The following TAOK1 variants were observed in gnomAD, a reference collection of about 807,000 sequenced individuals.
TAOK1 encodes serine/threonine-protein kinase TAO1.
TAOK1 carries 21 observed loss-of-function variants against 138.3 expected under a neutral mutation model. That is an observed-to-expected ratio of 0.15 (90% CI 0.11 to 0.22). TAOK1 has a LOEUF of 0.22. Among genes scored for constraint, TAOK1 ranks in the 10% least tolerant of loss-of-function variants. The pLI, the probability that TAOK1 is intolerant of heterozygous loss-of-function variation, is 1.00. For missense variants in TAOK1, 651 were observed against 1,227.7 expected, an observed-to-expected ratio of 0.53 and a Z score of 7.02; for synonymous variants, 361 against 398.4, an observed-to-expected ratio of 0.91 and a Z score of 1.12.
At chr17:29,473,594 CA>C (rs1421657758) in intron 3 of TAOK1, among the ~76,000 whole-genome samples, 1,192 of 94,106 alleles carry the variant, frequency 0.013, 14 homozygotes, top group African/African-American at 0.028. Context: ...GTGAAACTCT[CA>C]AAAAAAAAAA....
In TAOK1 at chr17:29,451,605, C is replaced by T. The variant is rs56343780; in HGVS notation, c.57C>T (p.Phe19=). ...SLKDPEIAEL[F]FKEDPEKLFT... ...AGGACCCTGAAATTGCAGAGCTCTTCTTCAAAGAAGATCCAGAGAAGCTCT... is the reference window on the plus strand; with the variant it reads ...AGGACCCTGAAATTGCAGAGCTCTTTTTCAAAGAAGATCCAGAGAAGCTCT... The change falls in exon 2 of 20, where the codon TTC becomes TTT. Residue 19 remains phenylalanine (F), a synonymous_variant. Transcript: ENST00000261716. 261 of 1,613,986 alleles carry T rather than the reference C, an allele frequency of 1.6e-4. No individual in the cohort carries two copies. Among genetic ancestry groups the T allele is most frequent in the Admixed American group, 7.0e-4 (42 of 60,004 alleles).
intron 1 of TAOK1, among the ~76,000 whole-genome samples, chr17:29,446,093 A>G (rs936750126): frequency 6.6e-6 from 1 of 152,108 alleles, no homozygotes; most frequent in Non-Finnish European, 1.5e-5. Context: ...TAATGTGTGT[A>G]GGGTCTGTAG....
At chr17:29,397,649 T>TGATACATGTATACATGTATACAG (rs1904670382) in intron 1 of TAOK1, among the ~76,000 whole-genome samples, 1 of 141,324 alleles carries the variant, frequency 7.1e-6, no homozygotes, top group Non-Finnish European at 1.5e-5. Flanking sequence ...CATGTATATA[T>TGATACATGTATACATGTATACAG]GTATATTCAT....
intron 1 of TAOK1, among the ~76,000 whole-genome samples, chr17:29,411,168 T>C (rs1905134547): frequency 7.4e-6 from 1 of 135,614 alleles, no homozygotes; most frequent in South Asian, 2.6e-4. Flanking sequence ...CTCGGCTCAC[T>C]GCAAGCTCCG....
intron 1 of TAOK1, among the ~76,000 whole-genome samples, chr17:29,443,296 ATG>A (rs775470924): frequency 9.2e-5 from 14 of 152,200 alleles, no homozygotes; most frequent in Non-Finnish European, 1.8e-4. Context: ...GTAATACTGA[ATG>A]TGCTGTAATT....
At chr17:29,461,229 C>T (rs1333694700) in intron 2 of TAOK1, among the ~76,000 whole-genome samples, 3 of 151,982 alleles carry the variant, frequency 2.0e-5, no homozygotes, top group Non-Finnish European at 1.5e-5. Context: ...AATTTGAGTG[C>T]GTACTATGTA....
intron 3 of TAOK1, among the ~76,000 whole-genome samples, chr17:29,469,248 T>C (rs2153025895): frequency 1.1e-5 from 1 of 92,374 alleles, no homozygotes; most frequent in South Asian, 3.3e-4. Context: ...AAATAAAATA[T>C]TTATAAATGA....
At chr17:29,522,059 T>G (rs1054658662) in intron 16 of TAOK1, among the ~76,000 whole-genome samples, 1 of 152,180 alleles carries the variant, frequency 6.6e-6, no homozygotes, top group Non-Finnish European at 1.5e-5. Context: ...AAGCTAATGG[T>G]AATAAAATAA....
intron 8 of TAOK1, among the ~76,000 whole-genome samples, chr17:29,485,356 G>A (rs1208964793): frequency 6.6e-6 from 1 of 152,182 alleles, no homozygotes; most frequent in African/African-American, 2.4e-5. Flanking sequence ...TCTACTCTCA[G>A]CTGGATACAG....
At chr17:29,399,311 AT>A (rs1904764710) in intron 1 of TAOK1, among the ~76,000 whole-genome samples, 2 of 149,990 alleles carry the variant, frequency 1.3e-5, no homozygotes, top group South Asian at 4.2e-4. Flanking sequence ...TTGATATTGG[AT>A]TTATTTTTAT....
At chr17:29,415,664 T>C (rs1905249881) in intron 1 of TAOK1, among the ~76,000 whole-genome samples, 1 of 152,236 alleles carries the variant, frequency 6.6e-6, no homozygotes, top group African/African-American at 2.4e-5. Flanking sequence ...AATAAACTTC[T>C]AATTCTCAAA....
chr17:29,418,947 TATGTA>T (rs1567713038), intron 1 of TAOK1, among the ~76,000 whole-genome samples: 3 of 132,576 alleles, frequency 2.3e-5, no homozygotes, highest in African/African-American at 2.8e-5. Context: ...TTTTTTTTTT[TATGTA>T]TGTTTTAGAA....
intron 8 of TAOK1, among the ~76,000 whole-genome samples, chr17:29,486,677 T>A (rs1159649780): frequency 6.6e-6 from 1 of 152,160 alleles, no homozygotes; most frequent in Non-Finnish European, 1.5e-5. Flanking sequence ...TCTAACACAT[T>A]GTAAATTTGG....
At chr17:29,485,188 G>A (rs920261058) in intron 8 of TAOK1, among the ~76,000 whole-genome samples, 2 of 151,986 alleles carry the variant, frequency 1.3e-5, no homozygotes, top group Admixed American at 1.3e-4. Flanking sequence ...TTTCTTTATA[G>A]TTAATCTGAT....
At chr17:29,450,697 G>A (rs1187284586) in intron 1 of TAOK1, among the ~76,000 whole-genome samples, 3 of 152,028 alleles carry the variant, frequency 2.0e-5, no homozygotes, top group Non-Finnish European at 4.4e-5. Flanking sequence ...ATTTATTTTT[G>A]TAGAGGCAGG....
At chr17:29,456,137 C>T (rs1247125544) in intron 2 of TAOK1, among the ~76,000 whole-genome samples, 1 of 150,322 alleles carries the variant, frequency 6.7e-6, no homozygotes, top group Non-Finnish European at 1.5e-5. Flanking sequence ...CACCTGAGGT[C>T]AGGGGTTCGA....
At chr17:29,525,205 C>T (rs1352418362) in intron 17 of TAOK1, among the ~76,000 whole-genome samples, 3 of 152,012 alleles carry the variant, frequency 2.0e-5, no homozygotes, top group Non-Finnish European at 2.9e-5. Flanking sequence ...CTCCGCCTCC[C>T]GGGTTCAAGC....
rs541871448 is a variant in TAOK1, at chr17:29,401,638, A to G, written c.-95+10614A>G. ...GATTTGGGTAGGGACACAGAGCCAAACCATATCACTTTCTTTTTCTTCTCT... is the reference window on the plus strand; with the variant it reads ...GATTTGGGTAGGGACACAGAGCCAAGCCATATCACTTTCTTTTTCTTCTCT... On this transcript the variant is annotated intron_variant, in intron 1 of 19. Transcript: ENST00000261716. Among the ~76,000 whole-genome samples the G allele has an allele frequency of 7.4e-5, 11 of 148,940 alleles. No individual in the cohort carries two copies. The South Asian group carries it at 2.4e-3, about 32-fold the overall frequency.
At chr17:29,517,338 T>A in intron 15 of TAOK1, 115 bp from the exon 16 acceptor site, 1 of 963,886 alleles carries the variant, frequency 1.0e-6, no homozygotes, top group Non-Finnish European at 1.6e-6. Flanking sequence ...CAGGCTAGTC[T>A]CAAACTCCTG....
Sources: gnomAD v4.1 joint callset for allele counts (sites outside exome capture counted in the v4.1 genomes callset) on GRCh38, gnomAD v4.1.1 for gene constraint, MANE v1.5 for transcripts, NCBI Gene and HGNC (gene_info 2026-07-23, HGNC 2026-07-21) for gene names.